The following HS6ST3 variants were observed in gnomAD, a reference collection of about 807,000 sequenced individuals.
HS6ST3 encodes the protein heparan-sulfate 6-O-sulfotransferase 3.
Under a neutral mutation model 36.7 loss-of-function variants are expected in HS6ST3, and 12 were observed. The ratio of observed to expected loss-of-function variants is 0.33; its 90% CI spans 0.21 to 0.53. The LOEUF (loss-of-function observed/expected upper bound fraction) is 0.53. HS6ST3 is among the 20% of genes least tolerant of loss of function. HS6ST3 has a pLI of 0.95. For missense variants in HS6ST3, 584 were observed against 640.9 expected (o/e 0.91, Z 0.96); for synonymous variants, 240 against 257.5 (o/e 0.93, Z 0.65).
intron 1 of HS6ST3, among the ~76,000 whole-genome samples, chr13:96,788,322 G>C (rs1173827372): frequency 2.0e-5 from 3 of 151,782 alleles, no homozygotes; most frequent in African/African-American, 4.8e-5. Context: ...AGATCAACTT[G>C]GGGAGAATTG....
At chr13:96,755,908 A>G (rs1228564329) in intron 1 of HS6ST3, among the ~76,000 whole-genome samples, 1 of 152,142 alleles carries the variant, frequency 6.6e-6, no homozygotes, top group Non-Finnish European at 1.5e-5. Context: ...ATAAGAAATC[A>G]CCAGTTTTCT....
intron 1 of HS6ST3, among the ~76,000 whole-genome samples, chr13:96,554,794 C>A (rs578176978): frequency 2.0e-5 from 3 of 152,048 alleles, no homozygotes; most frequent in African/African-American, 7.2e-5. Flanking sequence ...TATGGCCAGG[C>A]GCAGTGGCTC....
chr13:96,094,455 A>G (rs2053780311), intron 1 of HS6ST3, among the ~76,000 whole-genome samples: 1 of 152,218 alleles, frequency 6.6e-6, no homozygotes, highest in Non-Finnish European at 1.5e-5. Context: ...TTTTATGATT[A>G]CTTGTATTAA....
chr13:96,717,101 T>C (rs751158610), intron 1 of HS6ST3, among the ~76,000 whole-genome samples: 23 of 152,330 alleles, frequency 1.5e-4, no homozygotes, highest in Admixed American at 3.9e-4. Context: ...GGGATGTTAG[T>C]AAACATCCAG....
chr13:96,280,583 G>A (rs1291164774), intron 1 of HS6ST3, among the ~76,000 whole-genome samples: 1 of 152,102 alleles, frequency 6.6e-6, no homozygotes, highest in Non-Finnish European at 1.5e-5. Flanking sequence ...CAGACTCCCC[G>A]AAGAGAGTAT....
Position 96,832,883 on chromosome 13 carries a change from A to T in HS6ST3, c.1101A>T (p.Thr367=). ...QRKTQFLFER[T]FNLKFISPFT... is the part of the protein sequence containing the mutation. ...AGACACAGTTTCTCTTTGAGAGAAC[A>T]TTCAACCTCAAGTTCATCTCCCCCT... Residue 367 remains threonine (T), a synonymous_variant, in exon 2 of 2, where the codon ACA becomes ACT. Coordinates refer to ENST00000376705, the MANE Select transcript of HS6ST3 (RefSeq NM_153456.4). 6.2e-7 allele frequency: 1 copy of T among 1,614,210 alleles called. No individual in the cohort carries two copies. The highest frequency in any genetic ancestry group is 8.5e-7 in the Non-Finnish European group (1 of 1,180,038).
At chr13:96,601,052 T>G (rs1490245259) in intron 1 of HS6ST3, among the ~76,000 whole-genome samples, 1 of 152,150 alleles carries the variant, frequency 6.6e-6, no homozygotes, top group Non-Finnish European at 1.5e-5. Flanking sequence ...CTCATAGGTT[T>G]TTCCTATAAG....
intron 1 of HS6ST3, among the ~76,000 whole-genome samples, chr13:96,786,765 G>A (rs964999467): frequency 6.6e-6 from 1 of 151,776 alleles, no homozygotes; most frequent in Non-Finnish European, 1.5e-5. Context: ...TTGACCTTTT[G>A]TGGTGTACAA....
At chr13:96,148,583 A>G (rs2054069106) in intron 1 of HS6ST3, among the ~76,000 whole-genome samples, 1 of 152,242 alleles carries the variant, frequency 6.6e-6, no homozygotes, top group South Asian at 2.1e-4. Flanking sequence ...CACAAAGACT[A>G]CCAAAGAAGT....
intron 1 of HS6ST3, among the ~76,000 whole-genome samples, chr13:96,323,565 C>T (rs913241901): frequency 6.6e-5 from 10 of 152,122 alleles, no homozygotes; most frequent in Non-Finnish European, 1.0e-4. Flanking sequence ...CTTTTGGTTC[C>T]AGCCCATTGA....
intron 1 of HS6ST3, among the ~76,000 whole-genome samples, chr13:96,253,408 C>G (rs2054616887): frequency 6.6e-6 from 1 of 152,154 alleles, no homozygotes; most frequent in Non-Finnish European, 1.5e-5. Flanking sequence ...GCCTTTCGTA[C>G]TTAGCTGTGC....
At chr13:96,176,398 G>A (rs771448784) in intron 1 of HS6ST3, among the ~76,000 whole-genome samples, 1 of 152,122 alleles carries the variant, frequency 6.6e-6, no homozygotes, top group Non-Finnish European at 1.5e-5. Context: ...GATAGAATAA[G>A]GATATAATTC....
At chr13:96,672,889 G>A (rs544198484) in intron 1 of HS6ST3, among the ~76,000 whole-genome samples, 21 of 151,988 alleles carry the variant, frequency 1.4e-4, no homozygotes, top group Non-Finnish European at 2.9e-4. Flanking sequence ...ACCTTATGAG[G>A]GTGTATTCAT....
chr13:96,300,855 G>A (rs577773125), intron 1 of HS6ST3, among the ~76,000 whole-genome samples: 2 of 152,210 alleles, frequency 1.3e-5, no homozygotes, highest in African/African-American at 4.8e-5. Context: ...GACCTCAAGA[G>A]AAATATTTTT....
intron 1 of HS6ST3, among the ~76,000 whole-genome samples, chr13:96,551,599 C>A (rs2056219661): frequency 6.6e-6 from 1 of 152,154 alleles, no homozygotes; most frequent in South Asian, 2.1e-4. Flanking sequence ...AAGACACTGT[C>A]ATTTGTAAAT....
At chr13:96,748,073 C>G (rs1566444357) in intron 1 of HS6ST3, among the ~76,000 whole-genome samples, 1 of 152,052 alleles carries the variant, frequency 6.6e-6, no homozygotes, top group Non-Finnish European at 1.5e-5. Flanking sequence ...GTCTCTTTCA[C>G]TTTTGTGTTT....
intron 1 of HS6ST3, among the ~76,000 whole-genome samples, chr13:96,597,100 A>G (rs1007413454): frequency 6.6e-6 from 1 of 152,152 alleles, no homozygotes; most frequent in African/African-American, 2.4e-5. Flanking sequence ...AGAAAACCAA[A>G]TACCACATGT....
At chr13:96,581,872 AG>A (rs2056343244) in intron 1 of HS6ST3, among the ~76,000 whole-genome samples, 1 of 152,166 alleles carries the variant, frequency 6.6e-6, no homozygotes, top group Non-Finnish European at 1.5e-5. Flanking sequence ...TTTGTACTGA[AG>A]TGGGGAACAG....
Position 96,106,597 on chromosome 13 carries a change from A to C in HS6ST3, c.707+15028A>C, listed in dbSNP as rs145585177. On this transcript the variant is annotated intron_variant, in intron 1 of 1. Coordinates refer to ENST00000376705, the MANE Select transcript of HS6ST3 (RefSeq NM_153456.4). ...GTAGGGTGATATTTTTAAGAAGATAAGAGACAATCTGATCACAGAGCACAG... is the reference window on the plus strand; with the variant it reads ...GTAGGGTGATATTTTTAAGAAGATACGAGACAATCTGATCACAGAGCACAG... Among the ~76,000 whole-genome samples the C allele has an allele frequency of 1.9e-4, 29 of 152,338 alleles. No individual in the cohort carries two copies. The East Asian group carries it at 5.4e-3, about 28-fold the overall frequency.
Sources: gnomAD v4.1 joint callset for allele counts (sites outside exome capture counted in the v4.1 genomes callset) on GRCh38, gnomAD v4.1.1 for gene constraint, MANE v1.5 for transcripts, NCBI Gene and HGNC (gene_info 2026-07-23, HGNC 2026-07-21) for gene names.